FAM168A: variants seen among roughly 807,000 people sequenced by gnomAD.
FAM168A encodes family with sequence similarity 168 member A.
In FAM168A, 3 loss-of-function variants were observed where a neutral mutation model predicts 28.5. The ratio of observed to expected loss-of-function variants is 0.11; its 90% CI spans 0.05 to 0.27. The LOEUF (loss-of-function observed/expected upper bound fraction) is 0.27. FAM168A is among the 10% of genes least tolerant of loss of function. The probability of loss-of-function intolerance (pLI) is 1.00; values close to 1 mark genes in which losing one functional copy is unlikely to be tolerated. For missense variants in FAM168A, 222 were observed against 311.5 expected (o/e 0.71, Z 2.16); for synonymous variants, 122 against 124.2 (o/e 0.98, Z 0.12).
intron 1 of FAM168A, among the ~76,000 whole-genome samples, chr11:73,597,217 C>A (rs1387949413): frequency 6.6e-6 from 1 of 152,118 alleles, no homozygotes; most frequent in African/African-American, 2.4e-5. Flanking sequence ...CTATTCCAAC[C>A]TCCATCAGCC....
chr11:73,450,076 G>C (rs372585201), intron 2 of FAM168A, among the ~76,000 whole-genome samples: 15 of 152,318 alleles, frequency 9.8e-5, no homozygotes, highest in East Asian at 9.6e-4. Flanking sequence ...AAATGTGCAA[G>C]GGAAAAGAAA....
At chr11:73,488,130 C>CA (rs1868078381) in intron 1 of FAM168A, among the ~76,000 whole-genome samples, 1 of 144,114 alleles carries the variant, frequency 6.9e-6, no homozygotes, top group Non-Finnish European at 1.5e-5. Flanking sequence ...CATGTGGGGC[C>CA]TTTTTTTTTT....
chr11:73,589,027 G>A (rs181135020), intron 1 of FAM168A, among the ~76,000 whole-genome samples: 40 of 152,200 alleles, frequency 2.6e-4, no homozygotes, highest in African/African-American at 6.7e-4. Context: ...AACTAACCAT[G>A]CTGGAACACT....
intron 1 of FAM168A, among the ~76,000 whole-genome samples, chr11:73,525,404 A>G (rs1475217700): frequency 6.6e-6 from 1 of 152,084 alleles, no homozygotes; most frequent in African/African-American, 2.4e-5. Flanking sequence ...TTGACTACCT[A>G]TATCTGGGAA....
chr11:73,567,020 T>G (rs1944027833), intron 1 of FAM168A, among the ~76,000 whole-genome samples: 1 of 152,152 alleles, frequency 6.6e-6, no homozygotes, highest in African/African-American at 2.4e-5. Flanking sequence ...TATAGTTAAG[T>G]CCCAAGGATT....
At chr11:73,435,277 T>G (rs1722527794) in intron 2 of FAM168A, among the ~76,000 whole-genome samples, 1 of 152,238 alleles carries the variant, frequency 6.6e-6, no homozygotes, top group South Asian at 2.1e-4. Context: ...AAGAAGAAAG[T>G]CAGGGGTCTA....
chr11:73,476,393 A>G lies in FAM168A; in HGVS notation c.-18-7901T>C, dbSNP rs549932987. On this transcript the variant is annotated intron_variant, in intron 1 of 7. Transcript: ENST00000356467. Reference sequence around the variant, plus strand: ...ACACTGCAAAGGAGACAGACTCTACAGAAGAGTCTAAGCAAGTCACTAAAC... The same window carrying G: ...ACACTGCAAAGGAGACAGACTCTACGGAAGAGTCTAAGCAAGTCACTAAAC... 5.8e-4 allele frequency among the ~76,000 whole-genome samples: 85 copies of G among 147,182 alleles called. 1 individual carries two copies. The South Asian group carries it at 0.019, about 32-fold the overall frequency.
chr11:73,583,288 G>A (rs942130766), intron 1 of FAM168A, among the ~76,000 whole-genome samples: 4 of 152,146 alleles, frequency 2.6e-5, no homozygotes, highest in Non-Finnish European at 5.9e-5. Flanking sequence ...GGGTGACAGA[G>A]CAAGACTCTG....
At chr11:73,496,566 TG>T (rs940147058) in intron 1 of FAM168A, among the ~76,000 whole-genome samples, 5 of 152,194 alleles carry the variant, frequency 3.3e-5, no homozygotes, top group African/African-American at 1.2e-4. Context: ...TTTGGTTGGT[TG>T]GTTGGTTTTT....
chr11:73,550,186 T>C (rs886871874), intron 1 of FAM168A, among the ~76,000 whole-genome samples: 1 of 152,144 alleles, frequency 6.6e-6, no homozygotes, highest in African/African-American at 2.4e-5. Context: ...ATTGCGTTGG[T>C]AGACAGAAAC....
intron 1 of FAM168A, among the ~76,000 whole-genome samples, chr11:73,596,925 A>G (rs149583102): frequency 6.6e-6 from 1 of 152,012 alleles, no homozygotes; most frequent in Non-Finnish European, 1.5e-5. Context: ...GCCAAGGGAT[A>G]TTTTCTTCAA....
chr11:73,441,619 T>C (rs949045774), intron 2 of FAM168A, among the ~76,000 whole-genome samples: 1 of 152,238 alleles, frequency 6.6e-6, no homozygotes, highest in African/African-American at 2.4e-5. Flanking sequence ...AAATATTTGG[T>C]AGAACTCACC....
intron 1 of FAM168A, among the ~76,000 whole-genome samples, chr11:73,492,909 GCAA>G (rs1854780134): frequency 6.6e-6 from 1 of 152,122 alleles, no homozygotes; most frequent in Admixed American, 6.5e-5. Context: ...ATTCATTCTT[GCAA>G]ATGAATGCAG....
At chr11:73,455,040 C>A (rs1867503984) in intron 2 of FAM168A, among the ~76,000 whole-genome samples, 1 of 152,216 alleles carries the variant, frequency 6.6e-6, no homozygotes, top group African/African-American at 2.4e-5. Context: ...GCAAAGAGCC[C>A]ACTGGGCTGT....
chr11:73,570,940 C>T (rs1369679337), intron 1 of FAM168A, among the ~76,000 whole-genome samples: 2 of 152,018 alleles, frequency 1.3e-5, no homozygotes, highest in Non-Finnish European at 2.9e-5. Context: ...AGACCAAGAA[C>T]AGAGAAGAAA....
intron 2 of FAM168A, among the ~76,000 whole-genome samples, chr11:73,463,938 C>T (rs1867691211): frequency 6.6e-6 from 1 of 152,102 alleles, no homozygotes; most frequent in Non-Finnish European, 1.5e-5. Flanking sequence ...TTGGAGTTCT[C>T]TCCTGAGGAG....
intron 1 of FAM168A, among the ~76,000 whole-genome samples, chr11:73,527,862 A>T (rs1446214555): frequency 6.6e-6 from 1 of 152,224 alleles, no homozygotes; most frequent in Non-Finnish European, 1.5e-5. Flanking sequence ...CTACCAAAGA[A>T]TAAATGTCAT....
At chr11:73,471,197 T>C (rs145334715) in intron 1 of FAM168A, among the ~76,000 whole-genome samples, 34 of 152,312 alleles carry the variant, frequency 2.2e-4, no homozygotes, top group Non-Finnish European at 4.3e-4. Context: ...AGGGACAGGC[T>C]AAAAATGAGT....
At position 73,402,703 on chromosome 11, in the gene FAM168A, TAGAA is replaced by T. The variant is rs1441290308; in HGVS notation, c.*4056_*4059del. The T allele has an allele frequency of 6.6e-6, 1 of 152,218 alleles. No homozygotes were observed. The highest frequency in any genetic ancestry group is 1.9e-4 in the East Asian group (1 of 5,206). The allele number at this position is 152,218 out of a possible 1,614,324, so 9.4% of individuals were successfully genotyped here. On this transcript the variant is annotated 3_prime_UTR_variant, in exon 8 of 8. Coordinates refer to ENST00000356467, the MANE Select transcript of FAM168A (RefSeq NM_015159.3). ...CTTACCAAGGACATGGGTCTCCCAATAGAAAGATGCCTCGTGCTGTCCTTGAACA... is the reference window on the plus strand; with the variant it reads ...CTTACCAAGGACATGGGTCTCCCAATAGATGCCTCGTGCTGTCCTTGAACA...
Sources: gnomAD v4.1 joint callset for allele counts (sites outside exome capture counted in the v4.1 genomes callset) on GRCh38, gnomAD v4.1.1 for gene constraint, MANE v1.5 for transcripts, NCBI Gene and HGNC (gene_info 2026-07-23, HGNC 2026-07-21) for gene names.